The following PIK3CD variants were observed in gnomAD, a reference collection of about 807,000 sequenced individuals.
PIK3CD encodes phosphatidylinositol 4,5-bisphosphate 3-kinase catalytic subunit delta isoform.
PIK3CD carries 20 observed loss-of-function variants against 122.9 expected under a neutral mutation model. The ratio of observed to expected loss-of-function variants is 0.16; its 90% CI spans 0.11 to 0.24. The LOEUF is 0.24. PIK3CD is among the 10% of genes least tolerant of loss of function. PIK3CD has a pLI of 1.00. For synonymous variants in PIK3CD, 596 were observed against 593.4 expected (o/e 1.00, Z -0.06); for missense variants, 787 against 1,406.3 (o/e 0.56, Z 7.04).
chr1:9,706,407 C>T (rs369846540), intron 2 of PIK3CD, among the ~76,000 whole-genome samples: 13 of 151,610 alleles, frequency 8.6e-5, no homozygotes, highest in Admixed American at 2.6e-4. Flanking sequence ...GCTGGAGGAT[C>T]GCTTGAGCCC....
chr1:9,718,995 C>T lies in PIK3CD; in HGVS notation c.1242+80C>T. The stretch of plus-strand genomic sequence containing the variant: ...CCTTGCTGGGCCACTCACCACTCTC[C>T]TCCCGGCAAGCACGCAGCCTGGGGA... On this transcript the variant is annotated intron_variant, in intron 9 of 23. Transcript: ENST00000377346. The surrounding 1 kb of genome is among the most constrained non-coding windows in gnomAD (Gnocchi z 7.2). The T allele has an allele frequency of 7.4e-7, 1 of 1,355,850 alleles. No homozygotes were observed. Among genetic ancestry groups the T allele is most frequent in the South Asian group, 1.2e-5 (1 of 83,676 alleles). The allele number at this position is 1,355,850 out of a possible 1,614,324, so 84.0% of individuals were successfully genotyped here.
At position 9,719,047 on chromosome 1, in the gene PIK3CD, C is replaced by T. The variant is rs537402755; in HGVS notation, c.1242+132C>T. 645 of 850,640 alleles carry T rather than the reference C, an allele frequency of 7.6e-4. 5 individuals carry two copies. The highest frequency in any genetic ancestry group is 5.9e-3 in the Middle Eastern group (18 of 3,048). The allele number at this position is 850,640 out of a possible 1,614,324, so 52.7% of individuals were successfully genotyped here. On this transcript the variant is annotated intron_variant, in intron 9 of 23. Coordinates refer to ENST00000377346, the MANE Select transcript of PIK3CD (RefSeq NM_005026.5). This position sits in a 1 kb window ranked among gnomAD's most constrained non-coding sequence, Gnocchi z 5.5. The stretch of plus-strand genomic sequence containing the variant: ...GGGGGTCCTGGGATTGCTTGTGGAC[C>T]CCAGCCTCCTCACCCACCCTAGTCT...
At position 9,715,531 on chromosome 1, in the gene PIK3CD, G is replaced by C. The variant is rs1161541349; in HGVS notation, c.142-10G>C. 1.2e-6 allele frequency: 2 copies of C among 1,611,804 alleles called. No individual in the cohort carries two copies. Among genetic ancestry groups the C allele is most frequent in the Non-Finnish European group, 1.7e-6 (2 of 1,179,068 alleles). On this transcript the variant is annotated splice_polypyrimidine_tract_variant and intron_variant, in intron 3 of 23. Transcript: ENST00000377346. This position sits in a 1 kb window ranked among gnomAD's most constrained non-coding sequence, Gnocchi z 4.1. ...TGGGTGGAGGGGCTGACCGGTGACT[G>C]TCCCTCCAGCTGCTGTGGCACCGCG...
Position 9,722,451 on chromosome 1 carries a change from T to G in PIK3CD, c.2348-77T>G. The G allele has an allele frequency of 6.5e-7, 1 of 1,546,882 alleles. No homozygotes were observed. The highest frequency in any genetic ancestry group is 8.9e-7 in the Non-Finnish European group (1 of 1,119,742). On this transcript the variant is annotated intron_variant, in intron 18 of 23. Coordinates refer to ENST00000377346, the MANE Select transcript of PIK3CD (RefSeq NM_005026.5). The surrounding 1 kb of genome is among the most constrained non-coding windows in gnomAD (Gnocchi z 7.6). Reference sequence around the variant, plus strand: ...GGTGGAGAAGACAGAATCCTGGGACTTAAGGGCTTGGGTGTAGCTGGAAGC... The same window carrying G: ...GGTGGAGAAGACAGAATCCTGGGACGTAAGGGCTTGGGTGTAGCTGGAAGC...
Position 9,710,686 on chromosome 1 carries a change from T to C in PIK3CD, c.141+90T>C, listed in dbSNP as rs1157183405. 3.7e-6 allele frequency: 5 copies of C among 1,356,154 alleles called. No homozygotes were observed. The highest frequency in any genetic ancestry group is 4.2e-6 in the Non-Finnish European group (4 of 950,230). 84.0% of individuals were successfully genotyped at this position (1,356,154 alleles called of 1,614,324 possible). On this transcript the variant is annotated intron_variant, in intron 3 of 23. Coordinates refer to ENST00000377346, the MANE Select transcript of PIK3CD (RefSeq NM_005026.5). The surrounding 1 kb of genome is among the most constrained non-coding windows in gnomAD (Gnocchi z 4.7). ...ATAGACAGACAGACAGACAGACAGA[T>C]GGACAGGTGGACAGACGGACAGACA...
rs1241282214 is a variant in PIK3CD, at chr1:9,710,817, C to T, written c.141+221C>T. ...TTGTTTGTTTTGAGACGGAGTTTCGCTCTTATTGCCCAGGCTGGTGTGCAA... is the reference window on the plus strand; with the variant it reads ...TTGTTTGTTTTGAGACGGAGTTTCGTTCTTATTGCCCAGGCTGGTGTGCAA... On this transcript the variant is annotated intron_variant, in intron 3 of 23. Transcript: ENST00000377346. This position sits in a 1 kb window ranked among gnomAD's most constrained non-coding sequence, Gnocchi z 4.7. Among the ~76,000 whole-genome samples, 1 of 152,148 alleles carries T rather than the reference C, an allele frequency of 6.6e-6. No individual in the cohort carries two copies. Among genetic ancestry groups the T allele is most frequent in the Non-Finnish European group, 1.5e-5 (1 of 68,028 alleles).
intron 2 of PIK3CD, among the ~76,000 whole-genome samples, chr1:9,698,600 T>C (rs1443751447): frequency 6.6e-6 from 1 of 152,282 alleles, no homozygotes; most frequent in Non-Finnish European, 1.5e-5. Flanking sequence ...CATTTAGCCA[T>C]TTCCTTATCA....
chr1:9,648,437 A>G (rs935588318), upstream of PIK3CD, among the ~76,000 whole-genome samples: 2 of 152,226 alleles, frequency 1.3e-5, no homozygotes, highest in Non-Finnish European at 2.9e-5. Context: ...CAAACTCTAA[A>G]GACCAGAGGG....
intron 3 of PIK3CD, among the ~76,000 whole-genome samples, chr1:9,713,097 T>C (rs1387882982): frequency 6.6e-6 from 1 of 152,080 alleles, no homozygotes; most frequent in Non-Finnish European, 1.5e-5. Flanking sequence ...GCCGAAGAAT[T>C]GCTTGAACCT....
Position 9,719,047 on chromosome 1 carries a change from C to A in PIK3CD, c.1242+132C>A. ...GGGGGTCCTGGGATTGCTTGTGGAC[C>A]CCAGCCTCCTCACCCACCCTAGTCT... is the stretch of plus-strand genomic sequence containing the variant. On this transcript the variant is annotated intron_variant, in intron 9 of 23. Coordinates refer to ENST00000377346, the MANE Select transcript of PIK3CD (RefSeq NM_005026.5). The surrounding 1 kb of genome is among the most constrained non-coding windows in gnomAD (Gnocchi z 5.5). The A allele has an allele frequency of 2.4e-6, 2 of 850,642 alleles. No homozygotes were observed. Among genetic ancestry groups the A allele is most frequent in the South Asian group, 1.5e-5 (1 of 68,040 alleles). 52.7% of individuals were successfully genotyped at this position (850,642 alleles called of 1,614,324 possible).
At position 9,728,518 on chromosome 1, in the gene PIK3CD, C is replaced by G. The variant is rs971704130; in HGVS notation, c.*1472C>G. ...AACTCAACAGAGCCAGAAGTAGCCG[C>G]CCGCTCAGCGGCTCAGGTGCCAGCT... On this transcript the variant is annotated 3_prime_UTR_variant, in exon 24 of 24. Transcript: ENST00000377346. 6.6e-6 allele frequency: 1 copy of G among 152,280 alleles called. No homozygotes were observed. The highest frequency in any genetic ancestry group is 2.4e-5 in the African/African-American group (1 of 41,470). 9.4% of individuals were successfully genotyped at this position (152,280 alleles called of 1,614,324 possible).
At chr1:9,643,995 C>T in the PIK3CD span, among the ~76,000 whole-genome samples, 6 of 152,290 alleles carry the variant, frequency 3.9e-5, no homozygotes, top group South Asian at 1.2e-3. Flanking sequence ...TGTGCAGGGG[C>T]TGAAGAAGTG....
chr1:9,671,063 A>C (rs977682456), intron 1 of PIK3CD, among the ~76,000 whole-genome samples: 1 of 150,640 alleles, frequency 6.6e-6, no homozygotes, highest in Non-Finnish European at 1.5e-5. Flanking sequence ...TGGCCTAAAA[A>C]TTTATTTATT....
the PIK3CD span, among the ~76,000 whole-genome samples, chr1:9,628,578 G>A: frequency 6.6e-6 from 1 of 152,240 alleles, no homozygotes; most frequent in Non-Finnish European, 1.5e-5. Context: ...TGGGCCAGTG[G>A]TGGGTGAGTG....
intron 2 of PIK3CD, among the ~76,000 whole-genome samples, chr1:9,702,075 A>G (rs576214786): frequency 1.3e-5 from 2 of 151,244 alleles, no homozygotes; most frequent in Admixed American, 6.6e-5. Context: ...GCTCACTGCA[A>G]CCTCTGCCAC....
At chr1:9,644,503 G>C in the PIK3CD span, among the ~76,000 whole-genome samples, 3 of 149,860 alleles carry the variant, frequency 2.0e-5, no homozygotes, top group Non-Finnish European at 4.4e-5. Flanking sequence ...GGATGACGAG[G>C]AAGACTCCGT....
chr1:9,671,565 A>G (rs1332710758), intron 1 of PIK3CD, among the ~76,000 whole-genome samples: 1 of 152,118 alleles, frequency 6.6e-6, no homozygotes, highest in Non-Finnish European at 1.5e-5. Context: ...AGCTTTATTC[A>G]TCCATTACCT....
rs1647625904 is a variant in PIK3CD at position 9,717,185 on chromosome 1, C to T, written c.930+77C>T. 1 of 1,562,090 alleles carries T rather than the reference C, an allele frequency of 6.4e-7. No homozygotes were observed. On this transcript the variant is annotated intron_variant, in intron 7 of 23. Transcript: ENST00000377346. This position sits in a 1 kb window ranked among gnomAD's most constrained non-coding sequence, Gnocchi z 5.4. Reference sequence around the variant, plus strand: ...GCGTCCAACTCCATGTGCTACTGGCCATGGGTCCAGGGGCCCTTGGTATGG... The same window carrying T: ...GCGTCCAACTCCATGTGCTACTGGCTATGGGTCCAGGGGCCCTTGGTATGG...
chr1:9,654,441 C>A, intron 1 of PIK3CD: 1 of 1,363,618 alleles, frequency 7.3e-7, no homozygotes, highest in Non-Finnish European at 9.8e-7. Flanking sequence ...GGGCATCAGC[C>A]CCTGGGGGGC....
Sources: gnomAD v4.1 joint callset for allele counts (sites outside exome capture counted in the v4.1 genomes callset) on GRCh38, gnomAD v4.1.1 for gene constraint, Gnocchi (gnomAD v3.1) non-coding constraint, MANE v1.5 for transcripts, NCBI Gene and HGNC (gene_info 2026-07-23, HGNC 2026-07-21) for gene names.